Variants in PIEZO2 observed in about 807,000 individuals in gnomAD.
PIEZO2 encodes the protein piezo type mechanosensitive ion channel component 2, also known as piezo-type mechanosensitive ion channel component 2.
A neutral mutation model predicts 337.3 loss-of-function variants in PIEZO2; 172 were observed. That is an observed-to-expected ratio of 0.51 (90% CI 0.45 to 0.58). PIEZO2 has a LOEUF of 0.58. PIEZO2 is among the 20% of genes least tolerant of loss of function. PIEZO2 has a pLI of 0.00. For missense variants in PIEZO2, 3,028 were observed against 3,391.3 expected (o/e 0.89, Z 2.66); for synonymous variants, 1,251 against 1,228.5 (o/e 1.02, Z -0.38).
intron 3 of PIEZO2, among the ~76,000 whole-genome samples, chr18:10,967,162 C>T (rs896767577): frequency 4.0e-5 from 6 of 151,644 alleles, no homozygotes; most frequent in East Asian, 1.9e-4. Context: ...GGATTACAGG[C>T]GCATGCCAGG....
chr18:10,880,365 C>T (rs2042379552), intron 4 of PIEZO2, among the ~76,000 whole-genome samples: 1 of 152,172 alleles, frequency 6.6e-6, no homozygotes, highest in African/African-American at 2.4e-5. Context: ...AATTTCTCAC[C>T]TTACAAAGTG....
intron 18 of PIEZO2, among the ~76,000 whole-genome samples, chr18:10,779,925 G>A (rs547221851): frequency 6.6e-6 from 1 of 152,312 alleles, no homozygotes; most frequent in East Asian, 1.9e-4. Context: ...TCAGAGGGAA[G>A]GCGGATTACT....
At chr18:10,919,057 AAC>A (rs1353530817) in intron 3 of PIEZO2, among the ~76,000 whole-genome samples, 9 of 152,092 alleles carry the variant, frequency 5.9e-5, no homozygotes, top group Admixed American at 1.3e-4. Flanking sequence ...GAATTTTTTT[AAC>A]ACAGAGTTGA....
At chr18:10,999,462 T>C (rs1190566513) in intron 2 of PIEZO2, among the ~76,000 whole-genome samples, 1 of 152,226 alleles carries the variant, frequency 6.6e-6, no homozygotes, top group African/African-American at 2.4e-5. Flanking sequence ...ACAGACCTTT[T>C]CTTTTCTTGT....
Position 10,726,264 on chromosome 18 carries a change from G to C in PIEZO2, c.5029+5143C>G, listed in dbSNP as rs527558908. 1,899 of 809,652 alleles carry C rather than the reference G, an allele frequency of 2.3e-3. 4 individuals carry two copies. Among genetic ancestry groups the C allele is most frequent in the Non-Finnish European group, 2.9e-3 (1,424 of 488,940 alleles). 50.2% of individuals were successfully genotyped at this position (809,652 alleles called of 1,614,324 possible). ...GAGCTTGTGTGCGAGCCTGTGTTCG[G>C]GAGCATGAGAATGGAAGCGTCGCGG... is the stretch of plus-strand genomic sequence containing the variant. On this transcript the variant is annotated intron_variant, in intron 36 of 55. Coordinates refer to ENST00000674853, the MANE Select transcript of PIEZO2 (RefSeq NM_001378183.1). This position sits in a 1 kb window ranked among gnomAD's most constrained non-coding sequence, Gnocchi z 5.9.
In PIEZO2 at chr18:10,696,620, T is replaced by C. The variant is rs1016239647; in HGVS notation, c.6828-81A>G. On this transcript the variant is annotated intron_variant, in intron 45 of 55. Coordinates refer to ENST00000674853, the MANE Select transcript of PIEZO2 (RefSeq NM_001378183.1). ...CAGAAATGACCAGACACTGCCATCATGCCACTCCTCTGCATTCCTCTTTCC... is the reference window on the plus strand; with the variant it reads ...CAGAAATGACCAGACACTGCCATCACGCCACTCCTCTGCATTCCTCTTTCC... The C allele has an allele frequency of 6.0e-6, 9 of 1,492,446 alleles. No individual in the cohort carries two copies. In the African/African-American group the frequency reaches 1.1e-4, roughly 18 times the overall value. The allele number at this position is 1,492,446 out of a possible 1,614,324, so 92.5% of individuals were successfully genotyped here.
intron 7 of PIEZO2, among the ~76,000 whole-genome samples, chr18:10,818,734 T>C (rs1246310316): frequency 6.6e-6 from 1 of 152,228 alleles, no homozygotes; most frequent in Non-Finnish European, 1.5e-5. Flanking sequence ...TGTATGTTCA[T>C]ATTAGTCTCA....
At chr18:10,936,380 T>G (rs529559763) in intron 3 of PIEZO2, among the ~76,000 whole-genome samples, 1 of 152,268 alleles carries the variant, frequency 6.6e-6, no homozygotes, top group South Asian at 2.1e-4. Context: ...GAGTCTGGCC[T>G]CATTGAGGTT....
At chr18:10,733,397 G>A (rs947358176) in intron 35 of PIEZO2, among the ~76,000 whole-genome samples, 7 of 151,392 alleles carry the variant, frequency 4.6e-5, no homozygotes, top group African/African-American at 9.7e-5. Context: ...AGGGGGAAAC[G>A]TCCCAATCCT....
rs2040737510 is a variant in PIEZO2 at position 11,143,761 on chromosome 18, C to A, written c.64+4764G>T. Among the ~76,000 whole-genome samples, 1 of 152,138 alleles carries A rather than the reference C, an allele frequency of 6.6e-6. No homozygotes were observed. The highest frequency in any genetic ancestry group is 2.4e-5 in the African/African-American group (1 of 41,516). The stretch of plus-strand genomic sequence containing the variant: ...CATCCTCAGATCAGCCTTCTCCTGG[C>A]CCATGCTCTTACCTCCTAGTCTGTT... On this transcript the variant is annotated intron_variant, in intron 1 of 55. Transcript: ENST00000674853. This position sits in a 1 kb window ranked among gnomAD's most constrained non-coding sequence, Gnocchi z 4.9.
intron 4 of PIEZO2, chr18:10,890,462 G>T (rs2042723064): frequency 6.6e-6 from 1 of 152,218 alleles, no homozygotes; most frequent in African/African-American, 2.4e-5. Context: ...ATAAAGGAAA[G>T]AGGTTTAATT....
At chr18:10,695,528 C>T (rs1198572557) in intron 47 of PIEZO2, among the ~76,000 whole-genome samples, 2 of 152,164 alleles carry the variant, frequency 1.3e-5, no homozygotes, top group African/African-American at 4.8e-5. Context: ...GCTTCTCTTA[C>T]CACAAGCTGA....
At chr18:10,764,705 C>G (rs1354546013) in intron 21 of PIEZO2, among the ~76,000 whole-genome samples, 1 of 152,110 alleles carries the variant, frequency 6.6e-6, no homozygotes, top group Non-Finnish European at 1.5e-5. Context: ...TTGTCACTGT[C>G]CAATGCAAGG....
At chr18:11,058,942 G>C (rs1000678703) in intron 2 of PIEZO2, among the ~76,000 whole-genome samples, 8 of 152,122 alleles carry the variant, frequency 5.3e-5, no homozygotes, top group African/African-American at 1.9e-4. Context: ...GCAACTCCAA[G>C]ACACATCATT....
rs539717831 is a variant in PIEZO2 at position 10,857,289 on chromosome 18, C to A, written c.493-78G>T. ...CCAGCAGATTATAGAGCTTCTAATT[C>A]ATGGGTCAGTCAACGTGGTGAATTT... On this transcript the variant is annotated intron_variant, in intron 5 of 55. Transcript: ENST00000674853. 135 of 1,232,718 alleles carry A rather than the reference C, an allele frequency of 1.1e-4. 1 individual carries two copies. In the African/African-American group the frequency reaches 1.7e-3, roughly 16 times the overall value. 76.4% of individuals were successfully genotyped at this position (1,232,718 alleles called of 1,614,324 possible).
At chr18:10,725,465 G>C in intron 36 of PIEZO2, 1 of 1,558,794 alleles carries the variant, frequency 6.4e-7, no homozygotes, top group Non-Finnish European at 8.8e-7. Context: ...AAATAGGTCA[G>C]GGTGTGGGTA....
chr18:10,914,861 A>G (rs1348117899), intron 3 of PIEZO2, among the ~76,000 whole-genome samples: 22 of 152,238 alleles, frequency 1.4e-4, no homozygotes, highest in African/African-American at 5.3e-4. Context: ...ATTCAGCTGC[A>G]GAGCAGGTCC....
intron 1 of PIEZO2, among the ~76,000 whole-genome samples, chr18:11,089,027 C>T (rs1302835775): frequency 6.6e-6 from 1 of 152,182 alleles, no homozygotes. Context: ...CTATCAGTAA[C>T]AGCAGTTATC....
intron 7 of PIEZO2, among the ~76,000 whole-genome samples, chr18:10,842,282 A>AT (rs2144612880): frequency 6.6e-6 from 1 of 152,110 alleles, no homozygotes; most frequent in South Asian, 2.1e-4. Context: ...TTTATCTGCT[A>AT]TAGTTTGGAT....
Sources: allele counts gnomAD v4.1 joint callset (sites outside exome capture counted in the v4.1 genomes callset), GRCh38; gene constraint gnomAD v4.1.1; non-coding constraint Gnocchi (gnomAD v3.1); transcripts MANE v1.5; gene names NCBI Gene and HGNC (gene_info 2026-07-23, HGNC 2026-07-21).